Variants in L2HGDH observed in about 807,000 individuals in gnomAD.
L2HGDH encodes the protein L-2-hydroxyglutarate dehydrogenase, mitochondrial.
L2HGDH carries 34 observed loss-of-function variants against 51.5 expected under a neutral mutation model. That is an observed-to-expected ratio of 0.66 (90% CI 0.50 to 0.88). L2HGDH has a LOEUF of 0.88. Ranked by LOEUF, L2HGDH falls within the 40% of genes least tolerant of loss-of-function variation. L2HGDH has a pLI of 0.00. For synonymous variants in L2HGDH, 198 were observed against 197.9 expected, an observed-to-expected ratio of 1.00 and a Z score of -0.01; for missense variants, 558 against 571.9, an observed-to-expected ratio of 0.98 and a Z score of 0.25.
At chr14:50,284,864 A>G (rs1421519466) in intron 4 of L2HGDH, among the ~76,000 whole-genome samples, 1 of 152,230 alleles carries the variant, frequency 6.6e-6, no homozygotes, top group Non-Finnish European at 1.5e-5. Context: ...TTAAAATAAT[A>G]TCTGATATAA....
chr14:50,303,153 G>C, intron 1 of L2HGDH, 136 bp from the exon 2 acceptor site: 1 of 614,524 alleles, frequency 1.6e-6, no homozygotes. Context: ...GCCGGTCGCA[G>C]TGGCTCACAC....
At chr14:50,273,399 C>A (rs1348682314) in intron 6 of L2HGDH, among the ~76,000 whole-genome samples, 1 of 152,012 alleles carries the variant, frequency 6.6e-6, no homozygotes, top group Admixed American at 6.6e-5. Context: ...CTGGATAGCC[C>A]CATGCAAAAG....
intron 1 of L2HGDH, among the ~76,000 whole-genome samples, chr14:50,309,875 AG>A (rs1422566593): frequency 3.3e-5 from 5 of 151,884 alleles, no homozygotes; most frequent in Admixed American, 1.3e-4. Flanking sequence ...TTTGTAGAGC[AG>A]GGGTTTTGCC....
Position 50,243,581 on chromosome 14 carries a change from A to G in L2HGDH, c.*3477T>C, listed in dbSNP as rs1887879467. ...AAACAAAAAAACCCTATTGACATAC[A>G]TATAAAACGTTTTACAAGCAGAATA... On this transcript the variant is annotated 3_prime_UTR_variant, in exon 10 of 10. Coordinates refer to ENST00000267436, the MANE Select transcript of L2HGDH (RefSeq NM_024884.3). 9 of 822,846 alleles carry G rather than the reference A, an allele frequency of 1.1e-5. No individual in the cohort carries two copies. The South Asian group carries it at 4.5e-4, about 41-fold the overall frequency. 51.0% of individuals were successfully genotyped at this position (822,846 alleles called of 1,614,324 possible).
At chr14:50,260,525 C>A (rs115765480) in intron 9 of L2HGDH, among the ~76,000 whole-genome samples, 2,691 of 152,290 alleles carry the variant, frequency 0.018, 70 homozygotes, top group African/African-American at 0.061. Flanking sequence ...ACCATCCCCA[C>A]CTCTCCAAGT....
intron 3 of L2HGDH, among the ~76,000 whole-genome samples, chr14:50,295,311 G>A: frequency 6.6e-6 from 1 of 152,080 alleles, no homozygotes; most frequent in East Asian, 1.9e-4. Flanking sequence ...GGAGTTCAAG[G>A]CTGCAGTGAG....
intron 2 of L2HGDH, 144 bp downstream of exon 2, chr14:50,302,758 C>G: frequency 1.4e-6 from 1 of 700,734 alleles, no homozygotes; most frequent in Non-Finnish European, 2.6e-6. Flanking sequence ...CTCAAATAAC[C>G]TATAGCCATG....
intron 9 of L2HGDH, among the ~76,000 whole-genome samples, chr14:50,255,537 CAAA>C (rs371804551): frequency 1.7e-5 from 2 of 114,818 alleles, no homozygotes; most frequent in Admixed American, 9.7e-5. Flanking sequence ...ACTCCATCTC[CAAA>C]AAAAAAAAAA....
intron 4 of L2HGDH, among the ~76,000 whole-genome samples, chr14:50,286,428 T>G (rs1382315767): frequency 6.6e-6 from 1 of 152,110 alleles, no homozygotes. Context: ...CAAGGGCCTC[T>G]CCCCGATGAT....
chr14:50,302,862 C>A (rs761774838), intron 2 of L2HGDH, 40 bp downstream of exon 2: 1 of 1,313,564 alleles, frequency 7.6e-7, no homozygotes, highest in Non-Finnish European at 1.1e-6. Context: ...TGAGCAGATG[C>A]CCAAGTAAGC....
chr14:50,303,416 A>C (rs1324050130), intron 1 of L2HGDH, among the ~76,000 whole-genome samples: 1 of 151,170 alleles, frequency 6.6e-6, no homozygotes, highest in East Asian at 2.0e-4. Flanking sequence ...GCAAGGCGAC[A>C]GAGCAATGTA....
At chr14:50,292,786 G>A (rs977073864) in intron 4 of L2HGDH, among the ~76,000 whole-genome samples, 1 of 152,086 alleles carries the variant, frequency 6.6e-6, no homozygotes, top group African/African-American at 2.4e-5. Context: ...TAGAGAGGCC[G>A]AGGCAGGAGA....
At chr14:50,257,685 TA>T (rs1307202743) in intron 9 of L2HGDH, among the ~76,000 whole-genome samples, 3 of 152,000 alleles carry the variant, frequency 2.0e-5, no homozygotes, top group Non-Finnish European at 4.4e-5. Flanking sequence ...TTTTAAAATT[TA>T]AAAACTATAT....
chr14:50,295,673 C>T (rs185609603), intron 3 of L2HGDH, among the ~76,000 whole-genome samples: 28 of 149,708 alleles, frequency 1.9e-4, no homozygotes, highest in Admixed American at 5.4e-4. Context: ...CTACCCACCT[C>T]GGCCTCCCAA....
chr14:50,305,940 A>G (rs2030695414), intron 1 of L2HGDH, among the ~76,000 whole-genome samples: 1 of 152,056 alleles, frequency 6.6e-6, no homozygotes. Context: ...GTTATACTGT[A>G]TTTTAAATTG....
chr14:50,269,868 A>G (rs1414435511), intron 6 of L2HGDH, among the ~76,000 whole-genome samples: 2 of 152,220 alleles, frequency 1.3e-5, no homozygotes, highest in African/African-American at 4.8e-5. Context: ...AGCACATAAA[A>G]TCATTTTAAA....
intron 7 of L2HGDH, 136 bp from the exon 8 acceptor site, chr14:50,268,046 T>A: frequency 1.1e-6 from 1 of 893,120 alleles, no homozygotes; most frequent in South Asian, 1.4e-5. Context: ...CAGATATACT[T>A]TTCCATTAAC....
At chr14:50,254,405 G>A (rs936478728) in intron 9 of L2HGDH, among the ~76,000 whole-genome samples, 3 of 152,064 alleles carry the variant, frequency 2.0e-5, no homozygotes, top group African/African-American at 7.2e-5. Context: ...GGAACTGAAA[G>A]CTGAAACTTC....
intron 5 of L2HGDH, among the ~76,000 whole-genome samples, chr14:50,281,158 C>A (rs149778610): frequency 2.0e-5 from 3 of 152,212 alleles, no homozygotes; most frequent in East Asian, 1.9e-4. Flanking sequence ...AAAAAAAATT[C>A]TCCAGAATGG....
Sources: allele counts gnomAD v4.1 joint callset (sites outside exome capture counted in the v4.1 genomes callset), GRCh38; gene constraint gnomAD v4.1.1; transcripts MANE v1.5; gene names NCBI Gene and HGNC (gene_info 2026-07-23, HGNC 2026-07-21).